BAZ2B: variants seen among roughly 807,000 people sequenced by gnomAD.
BAZ2B encodes bromodomain adjacent to zinc finger domain 2B, also known as bromodomain adjacent to zinc finger domain protein 2B.
BAZ2B carries 91 observed loss-of-function variants against 246.0 expected under a neutral mutation model. The observed-to-expected ratio is 0.37, with a 90% CI of 0.31 to 0.44. BAZ2B has a LOEUF of 0.44. BAZ2B is among the 20% of genes least tolerant of loss of function. The pLI, the probability that BAZ2B is intolerant of heterozygous loss-of-function variation, is 1.00. For missense variants in BAZ2B, 2,332 were observed against 2,533.7 expected (o/e 0.92, Z 1.71); for synonymous variants, 855 against 860.0 (o/e 0.99, Z 0.10).
chr2:159,555,748 A>G (rs748745944), intron 2 of BAZ2B, 75 bp downstream of exon 2: 16 of 152,204 alleles, frequency 1.1e-4, no homozygotes, highest in Non-Finnish European at 1.6e-4. Context: ...CAAATTATAT[A>G]TGTTTTCTAA....
chr2:159,515,170 A>T (rs1381182299), intron 2 of BAZ2B, among the ~76,000 whole-genome samples: 1 of 152,016 alleles, frequency 6.6e-6, no homozygotes, highest in Non-Finnish European at 1.5e-5. Context: ...ACAGTTTAAA[A>T]ATTAAACATC....
chr2:159,471,076 T>C (rs1000096739), intron 3 of BAZ2B, among the ~76,000 whole-genome samples: 1 of 151,268 alleles, frequency 6.6e-6, no homozygotes, highest in African/African-American at 2.4e-5. Context: ...AGAAAAACTA[T>C]GAGTAGTATA....
intron 14 of BAZ2B, among the ~76,000 whole-genome samples, chr2:159,407,369 G>A (rs947370155): frequency 2.0e-5 from 3 of 152,036 alleles, no homozygotes; most frequent in Non-Finnish European, 2.9e-5. Context: ...TTACTTGGGA[G>A]GTTGAAGCAG....
chr2:159,519,386 C>T (rs1221150800), intron 2 of BAZ2B, among the ~76,000 whole-genome samples: 4 of 147,574 alleles, frequency 2.7e-5, no homozygotes, highest in East Asian at 2.0e-4. Context: ...CCCGCCACCG[C>T]GCCCGGCTAA....
At chr2:159,411,751 T>C (rs1456565178) in intron 14 of BAZ2B, among the ~76,000 whole-genome samples, 1 of 152,160 alleles carries the variant, frequency 6.6e-6, no homozygotes, top group African/African-American at 2.4e-5. Flanking sequence ...ATTAATACAG[T>C]TTAGGTTATT....
At chr2:159,483,858 C>G (rs1026104074) in intron 2 of BAZ2B, among the ~76,000 whole-genome samples, 5 of 150,444 alleles carry the variant, frequency 3.3e-5, no homozygotes, top group Non-Finnish European at 7.4e-5. Flanking sequence ...AGTTAAAAGA[C>G]GACTATAACC....
the BAZ2B span, among the ~76,000 whole-genome samples, chr2:159,648,560 A>C: frequency 6.6e-6 from 1 of 152,320 alleles, no homozygotes; most frequent in Middle Eastern, 3.4e-3. Context: ...AAGTTCATAT[A>C]AATAAGATCA....
chr2:159,460,132 C>T (rs772209591), intron 3 of BAZ2B: 26 of 151,978 alleles, frequency 1.7e-4, no homozygotes, highest in Non-Finnish European at 2.5e-4. Context: ...ATTCTACTAG[C>T]CAAATCAAAT....
chr2:159,465,049 C>T (rs2076876396), intron 3 of BAZ2B, among the ~76,000 whole-genome samples: 1 of 152,092 alleles, frequency 6.6e-6, no homozygotes, highest in Non-Finnish European at 1.5e-5. Flanking sequence ...AACAAAGTAC[C>T]ACAACTGTGT....
chr2:159,488,666 A>C (rs1198510867), intron 2 of BAZ2B, among the ~76,000 whole-genome samples: 1 of 152,220 alleles, frequency 6.6e-6, no homozygotes, highest in Non-Finnish European at 1.5e-5. Context: ...CACATTAAAA[A>C]ATATTACACA....
downstream of BAZ2B, among the ~76,000 whole-genome samples, chr2:159,318,537 C>T (rs1338161787): frequency 1.3e-5 from 2 of 152,222 alleles, no homozygotes; most frequent in Admixed American, 6.5e-5. Flanking sequence ...GAAGGCAAGG[C>T]CTGTCTTGTA....
chr2:159,441,595 G>T (rs532365389), intron 6 of BAZ2B, among the ~76,000 whole-genome samples: 1 of 152,266 alleles, frequency 6.6e-6, no homozygotes, highest in South Asian at 2.1e-4. Context: ...TAATTAGCTA[G>T]TAAGTCTCTT....
intron 1 of BAZ2B, among the ~76,000 whole-genome samples, chr2:159,573,087 A>G (rs1684419015): frequency 6.6e-6 from 1 of 152,192 alleles, no homozygotes; most frequent in Non-Finnish European, 1.5e-5. Flanking sequence ...GGACTAAAAA[A>G]TTAGGGGTGG....
chr2:159,646,089 G>C, the BAZ2B span, among the ~76,000 whole-genome samples: 2 of 152,120 alleles, frequency 1.3e-5, no homozygotes, highest in Non-Finnish European at 2.9e-5. Context: ...AAGCCTGAGA[G>C]CACTATGGGA....
the BAZ2B span, among the ~76,000 whole-genome samples, chr2:159,678,298 A>G: frequency 3.9e-5 from 6 of 152,278 alleles, no homozygotes; most frequent in East Asian, 1.2e-3. Flanking sequence ...AGTTCCCTCA[A>G]CCCAACCATA....
At chr2:159,428,885 T>C (rs774762090) in intron 11 of BAZ2B, among the ~76,000 whole-genome samples, 5 of 152,134 alleles carry the variant, frequency 3.3e-5, no homozygotes, top group African/African-American at 4.8e-5. Flanking sequence ...TTTAATTCTA[T>C]CTTCACAAAA....
intron 1 of BAZ2B, among the ~76,000 whole-genome samples, chr2:159,567,526 T>G (rs913043286): frequency 6.6e-6 from 1 of 152,234 alleles, no homozygotes; most frequent in African/African-American, 2.4e-5. Context: ...CTTTAACATC[T>G]TTCAGAGTTC....
the BAZ2B span, among the ~76,000 whole-genome samples, chr2:159,710,353 C>A: frequency 1.8e-4 from 28 of 151,908 alleles, no homozygotes; most frequent in East Asian, 3.9e-3. Flanking sequence ...GGACTACAGG[C>A]GCCTGCCACC....
Position 159,430,891 on chromosome 2 carries a change from A to G in BAZ2B, c.2166T>C (p.Ser722=). 1 of 1,613,738 alleles carries G rather than the reference A, an allele frequency of 6.2e-7. No homozygotes were observed. The highest frequency in any genetic ancestry group is 1.1e-5 in the South Asian group (1 of 91,056). The change falls in exon 10 of 37, where the codon TCT becomes TCC. Residue 722 remains serine (S), a synonymous_variant. Transcript: ENST00000392783. ...AGTGTGGGCTTGAAGTAAGTGTGGA[A>G]GAAGATGTACCAAGAAAAGCAGGTG... ...SQSPAFLGTS[S]STLTSSPHSG...
Sources: gnomAD v4.1 joint callset for allele counts (sites outside exome capture counted in the v4.1 genomes callset) on GRCh38, gnomAD v4.1.1 for gene constraint, MANE v1.5 for transcripts, NCBI Gene and HGNC (gene_info 2026-07-23, HGNC 2026-07-21) for gene names.